Variants in ARHGEF38 observed in about 807,000 individuals in gnomAD.
ARHGEF38 encodes the protein Rho guanine nucleotide exchange factor 38.
A neutral mutation model predicts 79.9 loss-of-function variants in ARHGEF38; 79 were observed. That is an observed-to-expected ratio of 0.99 (90% CI 0.82 to 1.19). ARHGEF38 has a LOEUF of 1.19. Among genes scored for constraint, ARHGEF38 ranks in the 50% most tolerant of loss-of-function variants. ARHGEF38 has a pLI of 0.00. For synonymous variants in ARHGEF38, 366 were observed against 328.3 expected (o/e 1.11, Z -1.24); for missense variants, 962 against 907.2 (o/e 1.06, Z -0.78).
chr4:105,614,358 C>T (rs1728430229), intron 3 of ARHGEF38, among the ~76,000 whole-genome samples: 1 of 152,094 alleles, frequency 6.6e-6, no homozygotes, highest in Non-Finnish European at 1.5e-5. Context: ...CCTCCAATGC[C>T]ACTGCCTTCC....
intron 10 of ARHGEF38, among the ~76,000 whole-genome samples, chr4:105,661,193 G>A (rs1422158607): frequency 6.6e-6 from 1 of 152,074 alleles, no homozygotes; most frequent in Non-Finnish European, 1.5e-5. Flanking sequence ...ACATTCCATT[G>A]TATGAATATA....
At position 105,641,169 on chromosome 4, in the gene ARHGEF38, C is replaced by T. The variant is rs1381375763; in HGVS notation, c.675-4019C>T. ...TTTTCTATTCTTTTGTGTGTTTGTT[C>T]TTCTCTTTGGAAAGTTTCAAGACAT... On this transcript the variant is annotated intron_variant, in intron 5 of 13. Coordinates refer to ENST00000420470, the MANE Select transcript of ARHGEF38 (RefSeq NM_001242729.2). Among the ~76,000 whole-genome samples the T allele has an allele frequency of 5.3e-5, 8 of 151,128 alleles. No homozygotes were observed. In the South Asian group the frequency reaches 1.3e-3, roughly 24 times the overall value.
At chr4:105,563,765 T>A (rs1294680879) in intron 1 of ARHGEF38, among the ~76,000 whole-genome samples, 1 of 152,224 alleles carries the variant, frequency 6.6e-6, no homozygotes, top group African/African-American at 2.4e-5. Flanking sequence ...AAGAGAACTG[T>A]AAGTTCTGCC....
At chr4:105,591,696 G>C (rs563957555) in intron 2 of ARHGEF38, among the ~76,000 whole-genome samples, 11 of 152,294 alleles carry the variant, frequency 7.2e-5, no homozygotes, top group African/African-American at 2.6e-4. Context: ...TCTTCAGTTT[G>C]CCTCATGACT....
intron 1 of ARHGEF38, among the ~76,000 whole-genome samples, chr4:105,561,198 T>C (rs1050732207): frequency 6.6e-6 from 1 of 151,700 alleles, no homozygotes; most frequent in Non-Finnish European, 1.5e-5. Flanking sequence ...GACCAGTCTG[T>C]GCAACATGGT....
At chr4:105,606,151 A>T (rs1728029405) in intron 2 of ARHGEF38, among the ~76,000 whole-genome samples, 2 of 152,116 alleles carry the variant, frequency 1.3e-5, no homozygotes, top group South Asian at 4.1e-4. Flanking sequence ...TTTGCCCTAT[A>T]TTAATTCTAA....
chr4:105,678,982 T>C lies in ARHGEF38; in HGVS notation c.*1045T>C. 7.5e-6 allele frequency: 2 copies of C among 266,594 alleles called. No individual in the cohort carries two copies. Among genetic ancestry groups the C allele is most frequent in the Non-Finnish European group, 1.4e-5 (2 of 144,784 alleles). The allele number at this position is 266,594 out of a possible 1,614,324, so 16.5% of individuals were successfully genotyped here. The stretch of plus-strand genomic sequence containing the variant: ...CATACCTCAACAATGATGACCTAAT[T>C]TTTGATCCATAATGTAAGATTAGGT... On this transcript the variant is annotated 3_prime_UTR_variant, in exon 14 of 14. Transcript: ENST00000420470.
At chr4:105,554,056 A>G (rs551449193) in intron 1 of ARHGEF38, among the ~76,000 whole-genome samples, 2 of 152,188 alleles carry the variant, frequency 1.3e-5, no homozygotes, top group Non-Finnish European at 2.9e-5. Context: ...AAAATAAAAA[A>G]AAAATTACCA....
rs1394023417 is a variant in ARHGEF38, at chr4:105,667,450, A to C, written c.1895A>C (p.Lys632Thr). ...SRWLVDTGNV[K>T]GYVYSSFLKP... ...CTTTTTATTTCCTATCCAGATGTGA[A>C]AGGATATGTTTATTCCTCCTTCCTA... Residue 632 changes from lysine to threonine, a missense_variant, in exon 13 of 14, where the codon AAA (lysine) becomes ACA (threonine). Transcript: ENST00000420470. 6.5e-7 allele frequency: 1 copy of C among 1,536,004 alleles called. No homozygotes were observed. The highest frequency in any genetic ancestry group is 8.7e-7 in the Non-Finnish European group (1 of 1,146,898).
intron 2 of ARHGEF38, among the ~76,000 whole-genome samples, chr4:105,601,680 T>C (rs994460098): frequency 3.3e-5 from 5 of 152,052 alleles, no homozygotes; most frequent in African/African-American, 1.2e-4. Context: ...ACTTCTAACC[T>C]TGCCTGTGTG....
intron 1 of ARHGEF38, among the ~76,000 whole-genome samples, chr4:105,587,530 GGCTCACT>G (rs1241997808): frequency 5.3e-5 from 8 of 152,012 alleles, no homozygotes; most frequent in African/African-American, 1.9e-4. Context: ...GCACGATCTC[GGCTCACT>G]GCAAGCTCCA....
chr4:105,610,876 G>A (rs1004414583), intron 2 of ARHGEF38, among the ~76,000 whole-genome samples: 4 of 151,934 alleles, frequency 2.6e-5, no homozygotes, highest in Non-Finnish European at 4.4e-5. Flanking sequence ...AACTGACCTC[G>A]GGAAATAAAT....
intron 8 of ARHGEF38, among the ~76,000 whole-genome samples, chr4:105,655,121 G>C (rs919161442): frequency 6.6e-6 from 1 of 152,160 alleles, no homozygotes; most frequent in African/African-American, 2.4e-5. Context: ...CCAGAGAGTA[G>C]TGGGAACCCC....
intron 2 of ARHGEF38, among the ~76,000 whole-genome samples, chr4:105,595,284 T>C (rs1727529661): frequency 6.6e-6 from 1 of 152,182 alleles, no homozygotes; most frequent in Non-Finnish European, 1.5e-5. Flanking sequence ...AACAAGAAAG[T>C]TATGTGTATT....
chr4:105,573,528 A>C (rs1473785259), intron 1 of ARHGEF38, among the ~76,000 whole-genome samples: 1 of 152,118 alleles, frequency 6.6e-6, no homozygotes, highest in Non-Finnish European at 1.5e-5. Flanking sequence ...GTAAAATATC[A>C]TTTGACCATA....
At chr4:105,582,912 C>T (rs940444705) in intron 1 of ARHGEF38, among the ~76,000 whole-genome samples, 1 of 152,106 alleles carries the variant, frequency 6.6e-6, no homozygotes, top group Admixed American at 6.5e-5. Context: ...TTTATTTTTG[C>T]CTTAAAGTCT....
chr4:105,595,252 A>C (rs367732524), intron 2 of ARHGEF38, among the ~76,000 whole-genome samples: 1 of 152,268 alleles, frequency 6.6e-6, no homozygotes, highest in Non-Finnish European at 1.5e-5. Context: ...TTGAATGCAC[A>C]CTTGGTAGAT....
Position 105,613,401 on chromosome 4 carries a change from G to C in ARHGEF38, c.402G>C (p.Val134=), listed in dbSNP as rs149829518. 5.1e-5 allele frequency: 82 copies of C among 1,613,086 alleles called. No individual in the cohort carries two copies. The Admixed American group carries it at 1.4e-3, about 27-fold the overall frequency. ...TTCTTCAGACTGATAGGCTGGATGT[G>C]GATAGCTTGTTTAGCAACATTGAGT... ...LRNKKTDRLD[V]DSLFSNIESV... Residue 134 remains valine (V), a synonymous_variant, in exon 3 of 14, where the codon GTG becomes GTC. Coordinates refer to ENST00000420470, the MANE Select transcript of ARHGEF38 (RefSeq NM_001242729.2).
chr4:105,596,022 A>T (rs1727561770), intron 2 of ARHGEF38, among the ~76,000 whole-genome samples: 1 of 152,228 alleles, frequency 6.6e-6, no homozygotes, highest in Non-Finnish European at 1.5e-5. Context: ...AAATTTAAAA[A>T]AACTTATTAA....
Sources: allele counts gnomAD v4.1 joint callset (sites outside exome capture counted in the v4.1 genomes callset), GRCh38; gene constraint gnomAD v4.1.1; transcripts MANE v1.5; gene names NCBI Gene and HGNC (gene_info 2026-07-23, HGNC 2026-07-21).